The following NCAM1 variants were observed in gnomAD, a reference collection of about 807,000 sequenced individuals.
NCAM1 encodes neural cell adhesion molecule 1.
A neutral mutation model predicts 109.8 loss-of-function variants in NCAM1; 14 were observed. The observed-to-expected ratio is 0.13, with a 90% confidence interval of 0.08 to 0.20. The LOEUF is 0.20. Ranked by LOEUF, NCAM1 falls within the 10% of genes least tolerant of loss-of-function variation. The pLI, the probability that NCAM1 is intolerant of heterozygous loss-of-function variation, is 1.00. For synonymous variants in NCAM1, 418 were observed against 442.9 expected, an observed-to-expected ratio of 0.94 and a Z score of 0.70; for missense variants, 774 against 1,109.9, an observed-to-expected ratio of 0.70 and a Z score of 4.30.
chr11:113,104,002 T>C (rs1940008195), intron 1 of NCAM1, among the ~76,000 whole-genome samples: 1 of 152,102 alleles, frequency 6.6e-6, no homozygotes, highest in African/African-American at 2.4e-5. Flanking sequence ...AGTGGGCAGA[T>C]TCAGCTGGGA....
At position 112,962,388 on chromosome 11, in the gene NCAM1, G is replaced by A. The variant is rs1168442850; in HGVS notation, c.52+724G>A. On this transcript the variant is annotated intron_variant, in intron 1 of 19. Transcript: ENST00000316851. The surrounding 1 kb of genome is among the most constrained non-coding windows in gnomAD (Gnocchi z 5.6). ...GTCGAGCGCCGCGTTTTGACAGGAG[G>A]AAGTGCGGAGGGGCGGAGGGCGAGG... 1.3e-5 allele frequency among the ~76,000 whole-genome samples: 2 copies of A among 152,140 alleles called. No individual in the cohort carries two copies. Among genetic ancestry groups the A allele is most frequent in the African/African-American group, 4.8e-5 (2 of 41,446 alleles).
At chr11:113,187,883 A>T (rs1555109155) in intron 1 of NCAM1, among the ~76,000 whole-genome samples, 1 of 152,238 alleles carries the variant, frequency 6.6e-6, no homozygotes, top group Non-Finnish European at 1.5e-5. Context: ...TTACCATTTA[A>T]TAGCTTTCTA....
intron 7 of NCAM1, among the ~76,000 whole-genome samples, chr11:113,212,562 G>T (rs1476481939): frequency 2.0e-5 from 3 of 152,220 alleles, no homozygotes; most frequent in Admixed American, 6.5e-5. Context: ...ATTTTAAGGG[G>T]CCCCAAATTC....
intron 17 of NCAM1, among the ~76,000 whole-genome samples, chr11:113,267,275 G>A (rs1946150439): frequency 6.6e-6 from 1 of 152,184 alleles, no homozygotes; most frequent in South Asian, 2.1e-4. Context: ...CCTAGATGCT[G>A]GGGAGATACA....
chr11:113,029,171 G>GGATT (rs1204097933), intron 1 of NCAM1, among the ~76,000 whole-genome samples: 4 of 152,198 alleles, frequency 2.6e-5, no homozygotes, highest in Non-Finnish European at 4.4e-5. Flanking sequence ...CGTAATCACA[G>GGATT]GATTGGTTGG....
chr11:113,036,736 A>G (rs1210963669), intron 1 of NCAM1, among the ~76,000 whole-genome samples: 5 of 152,094 alleles, frequency 3.3e-5, no homozygotes, highest in Non-Finnish European at 7.4e-5. Context: ...CTACCTTGCA[A>G]GGTAAGCTTC....
chr11:113,170,079 G>A (rs925952803), intron 1 of NCAM1, among the ~76,000 whole-genome samples: 25 of 152,084 alleles, frequency 1.6e-4, no homozygotes, highest in African/African-American at 5.6e-4. Context: ...TTATATTTCT[G>A]TGGTGCTTTT....
chr11:112,983,013 A>G (rs1555069000), intron 1 of NCAM1, among the ~76,000 whole-genome samples: 1 of 151,996 alleles, frequency 6.6e-6, no homozygotes, highest in East Asian at 1.9e-4. Flanking sequence ...CCAAGCACTT[A>G]TACTCTGAAG....
At chr11:113,037,129 C>T (rs1324734789) in intron 1 of NCAM1, among the ~76,000 whole-genome samples, 2 of 152,162 alleles carry the variant, frequency 1.3e-5, no homozygotes, top group African/African-American at 4.8e-5. Flanking sequence ...AGAATTAACA[C>T]CCACATCAAA....
chr11:113,208,642 G>A (rs1944309401), intron 7 of NCAM1, among the ~76,000 whole-genome samples: 1 of 151,806 alleles, frequency 6.6e-6, no homozygotes, highest in African/African-American at 2.4e-5. Context: ...CCTCTGCACT[G>A]CGACCACCCC....
intron 1 of NCAM1, among the ~76,000 whole-genome samples, chr11:112,976,631 T>G (rs1555067731): frequency 6.6e-6 from 1 of 151,900 alleles, no homozygotes; most frequent in African/African-American, 2.4e-5. Flanking sequence ...CTAATATCTA[T>G]TCTATAAAAC....
intron 1 of NCAM1, among the ~76,000 whole-genome samples, chr11:113,134,625 T>C (rs1555099038): frequency 6.6e-6 from 1 of 152,196 alleles, no homozygotes; most frequent in Non-Finnish European, 1.5e-5. Flanking sequence ...TCCTATTCCC[T>C]GTCCTATAAC....
chr11:113,214,660 C>A, intron 8 of NCAM1, 149 bp downstream of exon 8: 1 of 833,110 alleles, frequency 1.2e-6, no homozygotes, highest in Non-Finnish European at 1.8e-6. Context: ...CTCCCCAACC[C>A]TGCAGGACAT....
intron 1 of NCAM1, among the ~76,000 whole-genome samples, chr11:113,196,212 CT>C (rs2136798094): frequency 6.6e-6 from 1 of 152,270 alleles, no homozygotes; most frequent in South Asian, 2.1e-4. Context: ...CTATTTAATT[CT>C]TGTGACAATC....
Position 113,192,835 on chromosome 11 carries a change from G to C in NCAM1, c.53-9544G>C, listed in dbSNP as rs548064906. On this transcript the variant is annotated intron_variant, in intron 1 of 19. Transcript: ENST00000316851. ...TGAACGGGTTGGAGATAAGCGTCAG[G>C]TCCTTTCCAGCTCTAACCTCCTTTG... Among the ~76,000 whole-genome samples, 3 of 152,258 alleles carry C rather than the reference G, an allele frequency of 2.0e-5. No homozygotes were observed. The East Asian group carries it at 5.8e-4, about 29-fold the overall frequency.
chr11:113,253,629 G>T (rs1420750509), intron 15 of NCAM1, among the ~76,000 whole-genome samples: 2 of 152,168 alleles, frequency 1.3e-5, no homozygotes, highest in African/African-American at 4.8e-5. Context: ...ATTTCAAGAG[G>T]AACTAATTAG....
chr11:113,038,547 T>A (rs552143062), intron 1 of NCAM1, among the ~76,000 whole-genome samples: 1 of 152,232 alleles, frequency 6.6e-6, no homozygotes, highest in Non-Finnish European at 1.5e-5. Context: ...TTGTTCACCA[T>A]TGGTATCCCT....
intron 9 of NCAM1, among the ~76,000 whole-genome samples, chr11:113,230,091 A>G (rs540546854): frequency 6.6e-6 from 1 of 152,160 alleles, no homozygotes; most frequent in Non-Finnish European, 1.5e-5. Flanking sequence ...ATTAAAAAAA[A>G]AAAGAAAAAG....
intron 1 of NCAM1, among the ~76,000 whole-genome samples, chr11:113,109,871 T>G (rs1322586054): frequency 6.6e-6 from 1 of 152,164 alleles, no homozygotes; most frequent in African/African-American, 2.4e-5. Flanking sequence ...GTGGACCTGA[T>G]GTTTGGGAGA....
Sources: gnomAD v4.1 joint callset for allele counts (sites outside exome capture counted in the v4.1 genomes callset) on GRCh38, gnomAD v4.1.1 for gene constraint, Gnocchi (gnomAD v3.1) non-coding constraint, MANE v1.5 for transcripts, NCBI Gene and HGNC (gene_info 2026-07-23, HGNC 2026-07-21) for gene names.